Variants in SLC5A1 observed in about 807,000 individuals in gnomAD.
SLC5A1 encodes sodium/glucose cotransporter 1.
SLC5A1 carries 42 observed loss-of-function variants against 73.5 expected under a neutral mutation model. The ratio of observed to expected loss-of-function variants is 0.57; its 90% confidence interval spans 0.45 to 0.74. SLC5A1 has a LOEUF of 0.74. SLC5A1 is among the 30% of genes least tolerant of loss of function. SLC5A1 has a pLI of 0.00. For missense variants in SLC5A1, 634 were observed against 855.4 expected, an observed-to-expected ratio of 0.74 and a Z score of 3.23; for synonymous variants, 300 against 317.4, an observed-to-expected ratio of 0.95 and a Z score of 0.58.
intron 1 of SLC5A1, among the ~76,000 whole-genome samples, chr22:32,047,875 C>T (rs2093939152): frequency 6.6e-6 from 1 of 152,136 alleles, no homozygotes; most frequent in South Asian, 2.1e-4. Flanking sequence ...AAAATGCAGA[C>T]ATCGGCCGGG....
chr22:32,061,318 G>GT (rs2093962524), intron 2 of SLC5A1, among the ~76,000 whole-genome samples: 1 of 152,050 alleles, frequency 6.6e-6, no homozygotes, highest in Non-Finnish European at 1.5e-5. Context: ...GGGAGACTGA[G>GT]TCAGGAGAAT....
intron 14 of SLC5A1, among the ~76,000 whole-genome samples, chr22:32,109,346 G>T (rs1475773347): frequency 6.6e-6 from 1 of 152,170 alleles, no homozygotes; most frequent in South Asian, 2.1e-4. Flanking sequence ...GCTCAGAGGA[G>T]GGAATCAGTT....
chr22:32,099,105 A>AATATATATATATATATATATAT (rs765568860), intron 11 of SLC5A1, 78 bp from the exon 12 acceptor site: 24 of 57,628 alleles, frequency 4.2e-4, no homozygotes, highest in Admixed American at 6.3e-4. Flanking sequence ...AAAAAAAAAA[A>AATATATATATATATATATATAT]ATATATATAT....
Position 32,104,863 on chromosome 22 carries a change from A to G in SLC5A1, c.1743A>G (p.Gln581=). 1 of 1,614,012 alleles carries G rather than the reference A, an allele frequency of 6.2e-7. No individual in the cohort carries two copies. Among genetic ancestry groups the G allele is most frequent in the Admixed American group, 1.7e-5 (1 of 60,010 alleles). ...IDLDAEEENI[Q]EGPKETIEIE... Reference sequence around the variant, plus strand: ...TGGATGCGGAAGAGGAGAACATCCAAGAAGGCCCTAAGGAGACCATTGAAA... The same window carrying G: ...TGGATGCGGAAGAGGAGAACATCCAGGAAGGCCCTAAGGAGACCATTGAAA... Residue 581 remains glutamine, a synonymous_variant, in exon 14 of 15, where the codon CAA becomes CAG. Transcript: ENST00000266088.
intron 2 of SLC5A1, among the ~76,000 whole-genome samples, chr22:32,055,418 A>T (rs905635852): frequency 4.6e-5 from 7 of 152,224 alleles, no homozygotes; most frequent in African/African-American, 1.7e-4. Context: ...ATCTTTTCAA[A>T]CTTCCTCTGT....
At chr22:32,071,824 C>T (rs1358421153) in intron 5 of SLC5A1, among the ~76,000 whole-genome samples, 3 of 152,152 alleles carry the variant, frequency 2.0e-5, no homozygotes, top group Non-Finnish European at 2.9e-5. Context: ...TCTGAAAATA[C>T]AGTTGCTAGT....
intron 7 of SLC5A1, among the ~76,000 whole-genome samples, chr22:32,084,045 G>A (rs2094004091): frequency 6.6e-6 from 1 of 152,240 alleles, no homozygotes; most frequent in Non-Finnish European, 1.5e-5. Flanking sequence ...AGGTCTGTGT[G>A]TCTCTAGGCC....
chr22:32,090,930 T>C (rs1160360512), intron 10 of SLC5A1, among the ~76,000 whole-genome samples: 5 of 152,162 alleles, frequency 3.3e-5, no homozygotes, highest in East Asian at 1.9e-4. Context: ...TTTATTATCA[T>C]AGCTATCCTA....
At chr22:32,099,921 A>G (rs2094033555) in intron 12 of SLC5A1, among the ~76,000 whole-genome samples, 1 of 152,252 alleles carries the variant, frequency 6.6e-6, no homozygotes, top group Non-Finnish European at 1.5e-5. Context: ...CAAAGTGCGT[A>G]AGAAGTAAGG....
intron 11 of SLC5A1, among the ~76,000 whole-genome samples, chr22:32,097,707 T>A (rs1161100564): frequency 6.6e-6 from 1 of 152,252 alleles, no homozygotes; most frequent in African/African-American, 2.4e-5. Context: ...TACTATTTAT[T>A]AAGTGCCTGC....
intron 14 of SLC5A1, among the ~76,000 whole-genome samples, chr22:32,108,108 ATTT>A (rs747034400): frequency 7.0e-6 from 1 of 142,472 alleles, no homozygotes. Flanking sequence ...AGGCCATTCA[ATTT>A]TTTTTTTTTT....
intron 2 of SLC5A1, among the ~76,000 whole-genome samples, chr22:32,053,031 T>C (rs577689230): frequency 6.6e-6 from 1 of 152,188 alleles, no homozygotes; most frequent in Non-Finnish European, 1.5e-5. Flanking sequence ...TTTAGGCTCA[T>C]GGGAGTAAAA....
rs568577376 is a variant in SLC5A1, at chr22:32,063,971, G to A, written c.208-2964G>A. On this transcript the variant is annotated intron_variant, in intron 2 of 14. Coordinates refer to ENST00000266088, the MANE Select transcript of SLC5A1 (RefSeq NM_000343.4). The stretch of plus-strand genomic sequence containing the variant: ...CCACTCTCTTCTCAGATAGTGAGTG[G>A]GGACTTCAGGACAGCCTGACATTGC... Among the ~76,000 whole-genome samples, 123 of 152,258 alleles carry A rather than the reference G, an allele frequency of 8.1e-4. 1 individual carries two copies. Among genetic ancestry groups the A allele is most frequent in the South Asian group, 4.1e-3 (20 of 4,820 alleles).
intron 10 of SLC5A1, among the ~76,000 whole-genome samples, chr22:32,087,629 TAG>T (rs1322437427): frequency 6.6e-6 from 1 of 152,172 alleles, no homozygotes; most frequent in Admixed American, 6.5e-5. Context: ...CCTGAATAGC[TAG>T]AGTTTTGTAG....
At chr22:32,091,532 T>C in intron 10 of SLC5A1, 80 bp from the exon 11 acceptor site, 1 of 1,528,162 alleles carries the variant, frequency 6.5e-7, no homozygotes, top group Non-Finnish European at 9.1e-7. Flanking sequence ...GGCAAACAAA[T>C]CTTGAGTCCT....
intron 11 of SLC5A1, among the ~76,000 whole-genome samples, chr22:32,092,682 A>T (rs1421434897): frequency 3.9e-5 from 6 of 151,958 alleles, no homozygotes; most frequent in African/African-American, 7.2e-5. Context: ...TTTGTTTGAA[A>T]TTTTTTGTAG....
chr22:32,070,217 TCCCCTCCCCTCCCCCCTCCCCTCCC>T (rs2093980514), intron 5 of SLC5A1, among the ~76,000 whole-genome samples: 1 of 17,200 alleles, frequency 5.8e-5, no homozygotes, highest in Non-Finnish European at 1.1e-4. Flanking sequence ...TCTTCTCCCC[TCCCCTCCCCTCCCCCCTCCCCTCCC>T]CCTCCCCTCC....
chr22:32,102,648 A>G lies in SLC5A1; in HGVS notation c.1665+411A>G, dbSNP rs554420683. ...TTACGTATAGCTGCCCTATTGTGCT[A>G]CCAACTACTAGATTTTAATTCATTC... On this transcript the variant is annotated intron_variant, in intron 13 of 14. Transcript: ENST00000266088. 7.9e-4 allele frequency among the ~76,000 whole-genome samples: 121 copies of G among 152,276 alleles called. 2 individuals are homozygous for G. The highest frequency in any genetic ancestry group is 5.0e-3 in the Admixed American group (77 of 15,290).
chr22:32,103,563 G>A (rs761007642), intron 13 of SLC5A1, among the ~76,000 whole-genome samples: 1 of 152,222 alleles, frequency 6.6e-6, no homozygotes, highest in Non-Finnish European at 1.5e-5. Context: ...AAGATCACAT[G>A]GGTGGTACAG....
Sources: allele counts gnomAD v4.1 joint callset (sites outside exome capture counted in the v4.1 genomes callset), GRCh38; gene constraint gnomAD v4.1.1; transcripts MANE v1.5; gene names NCBI Gene and HGNC (gene_info 2026-07-23, HGNC 2026-07-21).